CDKAL1: variants seen among roughly 807,000 people sequenced by gnomAD.
The protein encoded by CDKAL1 is CDKAL1 threonylcarbamoyladenosine tRNA methylthiotransferase, also known as threonylcarbamoyladenosine tRNA methylthiotransferase.
In CDKAL1, 32 loss-of-function variants were observed where a neutral mutation model predicts 68.2. That is an observed-to-expected ratio of 0.47 (90% CI 0.35 to 0.63). The LOEUF (loss-of-function observed/expected upper bound fraction) is 0.63, where lower values mean the gene tolerates loss of function less well. Among genes scored for constraint, CDKAL1 ranks in the 30% least tolerant of loss-of-function variants. The pLI is 0.00. For synonymous variants in CDKAL1, 234 were observed against 244.3 expected (o/e 0.96, Z 0.39); for missense variants, 606 against 696.7 (o/e 0.87, Z 1.47).
At position 20,771,320 on chromosome 6, in the gene CDKAL1, G is replaced by A. The variant is rs963641699; in HGVS notation, c.518-9825G>A. 1.8e-4 allele frequency among the ~76,000 whole-genome samples: 27 copies of A among 152,314 alleles called. No individual in the cohort carries two copies. The East Asian group carries it at 5.2e-3, about 29-fold the overall frequency. On this transcript the variant is annotated intron_variant, in intron 7 of 15. Transcript: ENST00000274695. ...TCTCAACGGGTTGAGGACTAAGAGAGTGAATTTGAAGCAAAGTGAGCTCCA... is the reference window on the plus strand; with the variant it reads ...TCTCAACGGGTTGAGGACTAAGAGAATGAATTTGAAGCAAAGTGAGCTCCA...
Position 20,722,263 on chromosome 6 carries a change from G to GT in CDKAL1, c.372-17245dup, listed in dbSNP as rs535662911. The GT allele has an allele frequency of 6.2e-3, 926 of 148,240 alleles. 3 individuals carry two copies. Among genetic ancestry groups the GT allele is most frequent in the Middle Eastern group, 0.024 (7 of 290 alleles). 9.2% of individuals were successfully genotyped at this position (148,240 alleles called of 1,614,324 possible). A position where few individuals can be genotyped will look rare whatever the true frequency, so the allele number is the denominator to read the frequency against. On this transcript the variant is annotated intron_variant, in intron 5 of 15. Coordinates refer to ENST00000274695, the MANE Select transcript of CDKAL1 (RefSeq NM_017774.3). ...CAAGACAAGCATGTTAAAAATGAGG[G>GT]TTTTTTTTTTTCCCCACTGAACCTT...
chr6:20,944,434 A>G (rs556539501), intron 9 of CDKAL1, among the ~76,000 whole-genome samples: 46 of 152,194 alleles, frequency 3.0e-4, no homozygotes, highest in African/African-American at 1.1e-3. Context: ...TGCAACCTCC[A>G]CCTCCCAGTT....
chr6:21,169,241 A>G (rs1777277856), intron 13 of CDKAL1, among the ~76,000 whole-genome samples: 1 of 152,196 alleles, frequency 6.6e-6, no homozygotes, highest in South Asian at 2.1e-4. Flanking sequence ...CTGTGTCCCC[A>G]CCAAAAACCT....
intron 13 of CDKAL1, among the ~76,000 whole-genome samples, chr6:21,163,546 A>G (rs1341460098): frequency 1.3e-5 from 2 of 152,086 alleles, no homozygotes; most frequent in Non-Finnish European, 2.9e-5. Flanking sequence ...TTAACCAATC[A>G]TCCAAAATCC....
chr6:20,620,427 A>G (rs1449561294), intron 4 of CDKAL1, among the ~76,000 whole-genome samples: 1 of 152,200 alleles, frequency 6.6e-6, no homozygotes, highest in African/African-American at 2.4e-5. Context: ...GACTTTGCAT[A>G]TATCATCTTT....
At chr6:20,566,641 A>C (rs1388560717) in intron 4 of CDKAL1, among the ~76,000 whole-genome samples, 1 of 151,964 alleles carries the variant, frequency 6.6e-6, no homozygotes, top group Non-Finnish European at 1.5e-5. Flanking sequence ...TTTTTTCTTG[A>C]TTTTTGTTTA....
chr6:20,621,335 A>G (rs1258871993), intron 4 of CDKAL1, among the ~76,000 whole-genome samples: 4 of 152,140 alleles, frequency 2.6e-5, no homozygotes, highest in African/African-American at 9.7e-5. Flanking sequence ...TTTTCACCAC[A>G]TCATATCCTG....
In CDKAL1 at chr6:21,206,484, AT is replaced by A. The variant is rs531212893; in HGVS notation, c.1548+5213del. ...TATAACACATCGCTTGAATCTTACCATTTCTAAGATTGATTCTTAAGAAGTC... is the reference window on the plus strand; with the variant it reads ...TATAACACATCGCTTGAATCTTACCATTCTAAGATTGATTCTTAAGAAGTC... On this transcript the variant is annotated intron_variant, in intron 15 of 15. Coordinates refer to ENST00000274695, the MANE Select transcript of CDKAL1 (RefSeq NM_017774.3). Among the ~76,000 whole-genome samples, 7 of 152,280 alleles carry A rather than the reference AT, an allele frequency of 4.6e-5. No individual in the cohort carries two copies. In the South Asian group the frequency reaches 1.5e-3, roughly 32 times the overall value.
intron 5 of CDKAL1, among the ~76,000 whole-genome samples, chr6:20,706,713 T>A (rs1041973944): frequency 2.0e-5 from 3 of 152,198 alleles, no homozygotes; most frequent in African/African-American, 7.2e-5. Flanking sequence ...GTACAGCATC[T>A]GTTTCACCTG....
chr6:20,772,678 A>T (rs1561765079), intron 7 of CDKAL1, among the ~76,000 whole-genome samples: 4 of 152,204 alleles, frequency 2.6e-5, no homozygotes, highest in Non-Finnish European at 5.9e-5. Context: ...ATTCCAATGA[A>T]TGTTTTCATC....
At chr6:20,903,452 T>C (rs1683589462) in intron 9 of CDKAL1, among the ~76,000 whole-genome samples, 1 of 152,216 alleles carries the variant, frequency 6.6e-6, no homozygotes, top group South Asian at 2.1e-4. Context: ...TGTTCAGCGA[T>C]CTCGATGTTC....
At chr6:20,543,732 ATTTTTTT>A (rs758586145) in intron 2 of CDKAL1, among the ~76,000 whole-genome samples, 1 of 102,418 alleles carries the variant, frequency 9.8e-6, no homozygotes, top group Admixed American at 1.1e-4. Context: ...TATGTTTTAC[ATTTTTTT>A]TTTTTTTTTT....
At chr6:20,859,225 A>G (rs536975690) in intron 9 of CDKAL1, among the ~76,000 whole-genome samples, 1 of 152,136 alleles carries the variant, frequency 6.6e-6, no homozygotes, top group Non-Finnish European at 1.5e-5. Context: ...CTTTTAACAA[A>G]TAAATGGTGT....
At chr6:20,877,677 C>G (rs1031545859) in intron 9 of CDKAL1, among the ~76,000 whole-genome samples, 2 of 152,234 alleles carry the variant, frequency 1.3e-5, no homozygotes, top group Admixed American at 6.5e-5. Flanking sequence ...CTTACTCATG[C>G]ACACATGACT....
At chr6:21,150,585 G>C (rs9356768) in intron 13 of CDKAL1, among the ~76,000 whole-genome samples, 11,212 of 152,206 alleles carry the variant, frequency 0.074, 582 homozygotes, top group East Asian at 0.27. Flanking sequence ...GTGTGTGTCA[G>C]TTAGCCAAAC....
At chr6:21,212,541 G>A (rs1295452663) in intron 15 of CDKAL1, among the ~76,000 whole-genome samples, 1 of 152,108 alleles carries the variant, frequency 6.6e-6, no homozygotes, top group African/African-American at 2.4e-5. Context: ...ACTTTCTAAT[G>A]ATGAAAGTGA....
At chr6:20,828,848 T>C (rs1019563227) in intron 8 of CDKAL1, among the ~76,000 whole-genome samples, 2 of 152,146 alleles carry the variant, frequency 1.3e-5, no homozygotes, top group African/African-American at 4.8e-5. Context: ...CATTAAACAG[T>C]AACTCCCCAT....
chr6:20,863,738 C>A (rs903081138), intron 9 of CDKAL1, among the ~76,000 whole-genome samples: 1 of 152,012 alleles, frequency 6.6e-6, no homozygotes, highest in Non-Finnish European at 1.5e-5. Context: ...TTAATGTATA[C>A]CCATACTGTA....
chr6:20,605,128 G>C (rs1766278499), intron 4 of CDKAL1, among the ~76,000 whole-genome samples: 1 of 152,162 alleles, frequency 6.6e-6, no homozygotes, highest in Non-Finnish European at 1.5e-5. Context: ...TTGATACACT[G>C]CAGTCAAAGA....
Sources: allele counts gnomAD v4.1 joint callset (sites outside exome capture counted in the v4.1 genomes callset), GRCh38; gene constraint gnomAD v4.1.1; transcripts MANE v1.5; gene names NCBI Gene and HGNC (gene_info 2026-07-23, HGNC 2026-07-21).